Variants in COL13A1 observed in about 807,000 individuals in gnomAD.
COL13A1 encodes the protein collagen type XIII alpha 1 chain.
A neutral mutation model predicts 130.9 loss-of-function variants in COL13A1; 89 were observed. The observed-to-expected ratio is 0.68, with a 90% CI of 0.57 to 0.81. COL13A1 has a LOEUF of 0.81. Among genes scored for constraint, COL13A1 ranks in the 30% least tolerant of loss-of-function variants. The pLI is 0.00. For synonymous variants in COL13A1, 402 were observed against 341.6 expected, an observed-to-expected ratio of 1.18 and a Z score of -1.95; for missense variants, 879 against 934.6, an observed-to-expected ratio of 0.94 and a Z score of 0.78.
chr10:69,806,543 ATCAGCGCC>A (rs1564712140), intron 1 of COL13A1, among the ~76,000 whole-genome samples: 3 of 152,198 alleles, frequency 2.0e-5, no homozygotes, highest in African/African-American at 7.2e-5. Flanking sequence ...CTCTTCCCCC[ATCAGCGCC>A]TCTCTCCTGG....
At chr10:69,871,430 G>A (rs747629248) in intron 3 of COL13A1, among the ~76,000 whole-genome samples, 14 of 152,146 alleles carry the variant, frequency 9.2e-5, no homozygotes, top group Non-Finnish European at 1.8e-4. Flanking sequence ...ACAACACGGC[G>A]GGATGGCAAC....
At chr10:69,944,942 C>A (rs1269510054) in intron 36 of COL13A1, among the ~76,000 whole-genome samples, 1 of 152,252 alleles carries the variant, frequency 6.6e-6, no homozygotes, top group Non-Finnish European at 1.5e-5. Context: ...ATAGGCCAGG[C>A]TCCCACGGTC....
chr10:69,920,084 C>G (rs1217339208), intron 21 of COL13A1, among the ~76,000 whole-genome samples: 1 of 152,216 alleles, frequency 6.6e-6, no homozygotes, highest in African/African-American at 2.4e-5. Context: ...GACAGGGCAG[C>G]AGGGGCTCCC....
At chr10:69,802,813 C>T (rs1390459470) in intron 1 of COL13A1, 96 bp downstream of exon 1, 2 of 1,490,342 alleles carry the variant, frequency 1.3e-6, no homozygotes, top group African/African-American at 1.4e-5. Context: ...CGCTCGCTCT[C>T]TGCGAGCCCC....
At chr10:69,831,475 G>C (rs1330404734) in intron 2 of COL13A1, among the ~76,000 whole-genome samples, 1 of 152,128 alleles carries the variant, frequency 6.6e-6, no homozygotes, top group Non-Finnish European at 1.5e-5. Flanking sequence ...ACTCACCATG[G>C]GGTGGCTATT....
intron 14 of COL13A1, among the ~76,000 whole-genome samples, chr10:69,900,945 C>T (rs753780547): frequency 3.9e-5 from 6 of 152,060 alleles, no homozygotes; most frequent in Non-Finnish European, 4.4e-5. Context: ...GAAAGGAGCT[C>T]GGGAGTTTAC....
chr10:69,816,741 G>A (rs1723983145), intron 1 of COL13A1, among the ~76,000 whole-genome samples: 1 of 152,142 alleles, frequency 6.6e-6, no homozygotes, highest in African/African-American at 2.4e-5. Context: ...GTGAGCAAAG[G>A]CTGCAGCCTG....
chr10:69,941,343 T>G (rs564881312), intron 35 of COL13A1, among the ~76,000 whole-genome samples: 1 of 152,192 alleles, frequency 6.6e-6, no homozygotes, highest in Non-Finnish European at 1.5e-5. Context: ...TGCCCAGCCC[T>G]GGAGGTTTGA....
At chr10:69,905,699 A>T in intron 16 of COL13A1, 88 bp from the exon 17 acceptor site, 1 of 1,453,746 alleles carries the variant, frequency 6.9e-7, no homozygotes, top group Non-Finnish European at 9.5e-7. Flanking sequence ...CATCGAGAGG[A>T]AGAGGGATGG....
intron 17 of COL13A1, among the ~76,000 whole-genome samples, chr10:69,906,506 C>T (rs1310918503): frequency 2.0e-5 from 3 of 152,120 alleles, no homozygotes; most frequent in Non-Finnish European, 2.9e-5. Flanking sequence ...AGACAGACTT[C>T]CTTACAGCAC....
intron 2 of COL13A1, among the ~76,000 whole-genome samples, chr10:69,836,735 G>C (rs906642760): frequency 1.3e-5 from 2 of 152,198 alleles, no homozygotes; most frequent in African/African-American, 4.8e-5. Context: ...TGGCAGGCTG[G>C]CTCCTCAGCC....
At chr10:69,930,333 C>G in intron 29 of COL13A1, 67 bp from the exon 30 acceptor site, 1 of 1,441,384 alleles carries the variant, frequency 6.9e-7, no homozygotes, top group Non-Finnish European at 9.4e-7. Flanking sequence ...GACTTTTCTA[C>G]TCTCTCTCCC....
intron 17 of COL13A1, among the ~76,000 whole-genome samples, chr10:69,906,267 T>C (rs1041239843): frequency 2.0e-5 from 3 of 152,236 alleles, no homozygotes; most frequent in African/African-American, 7.2e-5. Context: ...AGTTATCTAT[T>C]GCGGTGTAAC....
chr10:69,850,356 T>C, intron 2 of COL13A1, among the ~76,000 whole-genome samples: 1 of 106,748 alleles, frequency 9.4e-6, no homozygotes, highest in Non-Finnish European at 2.1e-5. Context: ...GTTGGGTTCT[T>C]TCAAAGCCTC....
chr10:69,826,561 G>C (rs980365891), intron 2 of COL13A1, among the ~76,000 whole-genome samples: 1 of 152,198 alleles, frequency 6.6e-6, no homozygotes, highest in South Asian at 2.1e-4. Flanking sequence ...GCTGGTGAGG[G>C]GTGCATGAAG....
chr10:69,896,197 G>C (rs1177718238), intron 13 of COL13A1, among the ~76,000 whole-genome samples: 3 of 152,158 alleles, frequency 2.0e-5, no homozygotes, highest in Admixed American at 6.5e-5. Context: ...TTCAGGCTGA[G>C]ATGGTTCCTC....
intron 1 of COL13A1, among the ~76,000 whole-genome samples, chr10:69,819,596 G>T (rs561356753): frequency 1.3e-5 from 2 of 152,122 alleles, no homozygotes; most frequent in Admixed American, 1.3e-4. Flanking sequence ...GTTGCCTTTG[G>T]GGGAGAGTGT....
chr10:69,935,472 G>C (rs1263686364), intron 32 of COL13A1, 81 bp downstream of exon 32: 7 of 1,057,492 alleles, frequency 6.6e-6, no homozygotes, highest in Non-Finnish European at 8.1e-6. Context: ...CTCAGCCTTA[G>C]TCACTATCAC....
chr10:69,811,294 T>A (rs1842986410), intron 1 of COL13A1, among the ~76,000 whole-genome samples: 1 of 152,196 alleles, frequency 6.6e-6, no homozygotes, highest in Non-Finnish European at 1.5e-5. Flanking sequence ...AAGGCTGTTG[T>A]GGGTCCTGAG....
Sources: allele counts gnomAD v4.1 joint callset (sites outside exome capture counted in the v4.1 genomes callset), GRCh38; gene constraint gnomAD v4.1.1; transcripts MANE v1.5; gene names NCBI Gene and HGNC (gene_info 2026-07-23, HGNC 2026-07-21).